WDR37: variants seen among roughly 807,000 people sequenced by gnomAD.
WDR37 encodes the protein WD repeat-containing protein 37.
Under a neutral mutation model 62.9 loss-of-function variants are expected in WDR37, and 19 were observed. The ratio of observed to expected loss-of-function variants is 0.30; its 90% CI spans 0.21 to 0.44. The LOEUF is 0.44. WDR37 is among the 20% of genes least tolerant of loss of function. WDR37 has a pLI of 1.00. For synonymous variants in WDR37, 250 were observed against 260.9 expected, an observed-to-expected ratio of 0.96 and a Z score of 0.40; for missense variants, 474 against 657.6, an observed-to-expected ratio of 0.72 and a Z score of 3.05.
chr10:1,095,846 T>C (rs982496872), intron 8 of WDR37, among the ~76,000 whole-genome samples: 6 of 152,192 alleles, frequency 3.9e-5, no homozygotes, highest in African/African-American at 1.4e-4. Flanking sequence ...TCTGATATGA[T>C]AGGGTTTCTT....
Position 1,105,008 on chromosome 10 carries a change from A to G in WDR37, c.962-118A>G. On this transcript the variant is annotated intron_variant, in intron 10 of 13. Coordinates refer to ENST00000263150, the MANE Select transcript of WDR37 (RefSeq NM_014023.4). The surrounding 1 kb of genome is among the most constrained non-coding windows in gnomAD (Gnocchi z 5.3). ...GACCCACATGCTGCTGAGTGATTCC[A>G]TTAGGTCAGGTTCACAGTCTCAGAG... is the stretch of plus-strand genomic sequence containing the variant. 3 of 1,273,972 alleles carry G rather than the reference A, an allele frequency of 2.4e-6. No homozygotes were observed. The highest frequency in any genetic ancestry group is 3.3e-5 in the South Asian group (2 of 60,454). 78.9% of individuals were successfully genotyped at this position (1,273,972 alleles called of 1,614,324 possible).
chr10:1,068,087 G>A (rs1161966812), intron 1 of WDR37, among the ~76,000 whole-genome samples: 12 of 152,110 alleles, frequency 7.9e-5, no homozygotes, highest in African/African-American at 2.7e-4. Flanking sequence ...AGTCGGGGGC[G>A]GAGGGAGGAT....
Position 1,131,683 on chromosome 10 carries a change from G to GGTGT in WDR37, c.*2365_*2368dup, listed in dbSNP as rs58548853. On this transcript the variant is annotated 3_prime_UTR_variant, in exon 14 of 14. Transcript: ENST00000263150. Reference sequence around the variant, plus strand: ...AGGAGTCACAGACAAGATCGGGGATGGTGTGTGTGTGTGTGTGTGTGTGTG... The same window carrying GGTGT: ...AGGAGTCACAGACAAGATCGGGGATGGTGTGTGTGTGTGTGTGTGTGTGTGTGTG... 0.14 allele frequency: 18,833 copies of GGTGT among 133,730 alleles called. 1,181 individuals carry two copies. Among genetic ancestry groups the GGTGT allele is most frequent in the Admixed American group, 0.2 (2,667 of 13,500 alleles). 8.3% of individuals were successfully genotyped at this position (133,730 alleles called of 1,614,324 possible). A position where few individuals can be genotyped will look rare whatever the true frequency, so the allele number is the denominator to read the frequency against.
At chr10:1,087,244 C>A (rs1834234252) in intron 7 of WDR37, among the ~76,000 whole-genome samples, 1 of 152,234 alleles carries the variant, frequency 6.6e-6, no homozygotes, top group Non-Finnish European at 1.5e-5. Context: ...TGCCTTCTTA[C>A]CTGTCTTCCT....
At chr10:1,113,925 T>G (rs1285914244) in intron 11 of WDR37, among the ~76,000 whole-genome samples, 1 of 150,456 alleles carries the variant, frequency 6.6e-6, no homozygotes, top group Non-Finnish European at 1.5e-5. Context: ...ACTCCAGTTT[T>G]GAGGTTCAAT....
In WDR37 at chr10:1,121,119, G is replaced by A. The variant is rs978967432; in HGVS notation, c.1104-3099G>A. On this transcript the variant is annotated intron_variant, in intron 11 of 13. Coordinates refer to ENST00000263150, the MANE Select transcript of WDR37 (RefSeq NM_014023.4). This position sits in a 1 kb window ranked among gnomAD's most constrained non-coding sequence, Gnocchi z 4.5. ...TCCCCATGGGACCTGTGGGCTGAGGGTGCCTTGGAAACTGCTGCCTCTTTG... is the reference window on the plus strand; with the variant it reads ...TCCCCATGGGACCTGTGGGCTGAGGATGCCTTGGAAACTGCTGCCTCTTTG... Among the ~76,000 whole-genome samples the A allele has an allele frequency of 2.0e-5, 3 of 152,242 alleles. No individual in the cohort carries two copies. Among genetic ancestry groups the A allele is most frequent in the Non-Finnish European group, 4.4e-5 (3 of 68,046 alleles).
In WDR37 at chr10:1,131,759, C is replaced by T. The variant is rs1438465948; in HGVS notation, c.*2415C>T. ...AGTCATACTGTCAACCACACGTGAT[C>T]TCGTCTGAAACAGTGTTTGGAAGTG... On this transcript the variant is annotated 3_prime_UTR_variant, in exon 14 of 14. Coordinates refer to ENST00000263150, the MANE Select transcript of WDR37 (RefSeq NM_014023.4). 2.0e-5 allele frequency: 3 copies of T among 152,166 alleles called. No individual in the cohort carries two copies. Among genetic ancestry groups the T allele is most frequent in the African/African-American group, 7.2e-5 (3 of 41,388 alleles). 9.4% of individuals were successfully genotyped at this position (152,166 alleles called of 1,614,324 possible). A position where few individuals can be genotyped will look rare whatever the true frequency, so the allele number is the denominator to read the frequency against.
intron 11 of WDR37, among the ~76,000 whole-genome samples, chr10:1,108,739 G>GGGGGGCCC (rs1835105576): frequency 1.8e-5 from 2 of 111,912 alleles, no homozygotes; most frequent in East Asian, 2.5e-4. Flanking sequence ...CTTCTGTGAT[G>GGGGGGCCC]CCCCCCCCCC....
intron 11 of WDR37, among the ~76,000 whole-genome samples, chr10:1,109,222 T>TA (rs2131670264): frequency 6.6e-6 from 1 of 152,318 alleles, no homozygotes; most frequent in African/African-American, 2.4e-5. Context: ...CCTCTTGTGT[T>TA]ATTTAAGACC....
At chr10:1,087,364 C>T (rs1834237552) in intron 7 of WDR37, among the ~76,000 whole-genome samples, 1 of 152,234 alleles carries the variant, frequency 6.6e-6, no homozygotes, top group Admixed American at 6.5e-5. Flanking sequence ...AACGCTGTTA[C>T]AGGAACGAGT....
chr10:1,093,604 A>C (rs1411941974), intron 8 of WDR37, 108 bp downstream of exon 8: 1 of 911,048 alleles, frequency 1.1e-6, no homozygotes, highest in African/African-American at 1.7e-5. Flanking sequence ...TATGAAAGTT[A>C]ATCTTTAGTA....
chr10:1,127,779 G>A (rs575911196), intron 13 of WDR37, among the ~76,000 whole-genome samples: 17 of 152,356 alleles, frequency 1.1e-4, no homozygotes, highest in Admixed American at 8.5e-4. Context: ...CGTGCTGAGC[G>A]TCCTGGAGCA....
Position 1,072,163 on chromosome 10 carries a change from C to T in WDR37, c.8C>T (p.Thr3Ile), listed in dbSNP as rs757430730. 4 of 1,613,950 alleles carry T rather than the reference C, an allele frequency of 2.5e-6. No homozygotes were observed. Among genetic ancestry groups the T allele is most frequent in the Non-Finnish European group, 2.5e-6 (3 of 1,179,988 alleles). Residue 3 changes from threonine (T) to isoleucine (I), a missense_variant, in exon 2 of 14, where the codon ACA (threonine) becomes ATA (isoleucine). Thr to Ile is a moderately conservative substitution (Grantham distance 89). Coordinates refer to ENST00000263150, the MANE Select transcript of WDR37 (RefSeq NM_014023.4). MP[T>I]ESASCSTARQ... is the part of the protein sequence containing the mutation. ...CACTACCTCCTAGAAGTAATGCCCA[C>T]AGAAAGCGCAAGTTGTTCGACTGCT...
chr10:1,108,422 C>T (rs1165381815), intron 11 of WDR37, among the ~76,000 whole-genome samples: 3 of 152,212 alleles, frequency 2.0e-5, no homozygotes, highest in Admixed American at 6.5e-5. Context: ...TTAAGTGCCC[C>T]TCTGCTGTGC....
At chr10:1,092,899 G>A (rs201489736) in intron 7 of WDR37, among the ~76,000 whole-genome samples, 3,580 of 73,896 alleles carry the variant, frequency 0.048, no homozygotes, top group East Asian at 0.071. Context: ...AAAAAAAAAA[G>A]AAGACCTCTG....
intron 11 of WDR37, among the ~76,000 whole-genome samples, chr10:1,117,415 G>A (rs554684418): frequency 1.3e-5 from 2 of 152,314 alleles, no homozygotes; most frequent in South Asian, 2.1e-4. Context: ...AGTGAGAGGA[G>A]ATTTAGTGTA....
intron 1 of WDR37, among the ~76,000 whole-genome samples, chr10:1,061,087 T>C (rs1183637328): frequency 2.6e-5 from 4 of 152,230 alleles, no homozygotes; most frequent in Non-Finnish European, 5.9e-5. Context: ...TAATTGGATT[T>C]GGGAACTCTG....
intron 13 of WDR37, among the ~76,000 whole-genome samples, chr10:1,125,553 A>G (rs953086918): frequency 6.6e-6 from 1 of 152,248 alleles, no homozygotes; most frequent in Non-Finnish European, 1.5e-5. Flanking sequence ...TTACAAATAA[A>G]GAAAACATGC....
chr10:1,077,722 A>G (rs930245394), intron 2 of WDR37, among the ~76,000 whole-genome samples, 185 bp from the exon 3 acceptor site: 3 of 152,228 alleles, frequency 2.0e-5, no homozygotes, highest in African/African-American at 7.2e-5. Flanking sequence ...CATTTATACA[A>G]TTTGATTTAT....
Sources: gnomAD v4.1 joint callset for allele counts (sites outside exome capture counted in the v4.1 genomes callset) on GRCh38, gnomAD v4.1.1 for gene constraint, Gnocchi (gnomAD v3.1) non-coding constraint, MANE v1.5 for transcripts, NCBI Gene and HGNC (gene_info 2026-07-23, HGNC 2026-07-21) for gene names.